LRRC4C: variants seen among roughly 807,000 people sequenced by gnomAD.
The protein encoded by LRRC4C is leucine rich repeat containing 4C, also known as leucine-rich repeat-containing protein 4C.
LRRC4C carries 5 observed loss-of-function variants against 33.6 expected under a neutral mutation model. The observed-to-expected ratio is 0.15, with a 90% CI of 0.08 to 0.31. The LOEUF (loss-of-function observed/expected upper bound fraction) is 0.31. LRRC4C is among the 10% of genes least tolerant of loss of function. LRRC4C has a pLI of 1.00. For synonymous variants in LRRC4C, 329 were observed against 302.0 expected, an observed-to-expected ratio of 1.09 and a Z score of -0.93; for missense variants, 560 against 796.7, an observed-to-expected ratio of 0.70 and a Z score of 3.58.
intron 1 of LRRC4C, among the ~76,000 whole-genome samples, chr11:40,962,042 C>A (rs557179870): frequency 6.6e-6 from 1 of 151,448 alleles, no homozygotes; most frequent in Non-Finnish European, 1.5e-5. Context: ...CTGTAAGAAG[C>A]GGAATAATGG....
intron 1 of LRRC4C, among the ~76,000 whole-genome samples, chr11:41,224,409 C>T (rs943521116): frequency 6.6e-6 from 1 of 152,170 alleles, no homozygotes; most frequent in Admixed American, 6.6e-5. Flanking sequence ...AACTACAATT[C>T]TCATCCAAGA....
At chr11:40,444,411 T>C (rs2138002444) in intron 3 of LRRC4C, among the ~76,000 whole-genome samples, 1 of 151,266 alleles carries the variant, frequency 6.6e-6, no homozygotes, top group African/African-American at 2.4e-5. Context: ...TTAGGGTACA[T>C]GTGCACATGA....
At chr11:40,429,080 T>C (rs183332081) in intron 3 of LRRC4C, among the ~76,000 whole-genome samples, 3 of 152,302 alleles carry the variant, frequency 2.0e-5, no homozygotes, top group African/African-American at 7.2e-5. Context: ...TGTAATGGTA[T>C]TAAGAAAGTA....
chr11:40,977,906 G>A (rs1042747555), intron 1 of LRRC4C, among the ~76,000 whole-genome samples: 1 of 152,166 alleles, frequency 6.6e-6, no homozygotes, highest in Non-Finnish European at 1.5e-5. Context: ...AGTCACCAGG[G>A]AGAAGAGGAC....
At chr11:41,310,948 A>T (rs1950627664) in intron 1 of LRRC4C, among the ~76,000 whole-genome samples, 1 of 152,242 alleles carries the variant, frequency 6.6e-6, no homozygotes, top group Non-Finnish European at 1.5e-5. Context: ...AATTTAAAAG[A>T]CAATATAGCA....
intron 3 of LRRC4C, among the ~76,000 whole-genome samples, chr11:40,606,439 A>C (rs892464311): frequency 1.3e-5 from 2 of 152,316 alleles, no homozygotes; most frequent in African/African-American, 4.8e-5. Flanking sequence ...TCCCCTGTAC[A>C]AAGCTAATTT....
intron 1 of LRRC4C, among the ~76,000 whole-genome samples, chr11:41,056,102 T>C (rs1208052593): frequency 1.3e-5 from 2 of 152,076 alleles, no homozygotes; most frequent in Non-Finnish European, 2.9e-5. Flanking sequence ...TCTAGAAATA[T>C]CAATCACTCC....
chr11:40,249,199 T>G (rs1866580211), intron 4 of LRRC4C, among the ~76,000 whole-genome samples: 1 of 151,636 alleles, frequency 6.6e-6, no homozygotes. Flanking sequence ...ATTAGCCGGG[T>G]GTGGTGGTGG....
chr11:40,899,819 C>A (rs1404568543), intron 2 of LRRC4C, among the ~76,000 whole-genome samples: 3 of 152,130 alleles, frequency 2.0e-5, no homozygotes, highest in African/African-American at 4.8e-5. Context: ...AACATGATAT[C>A]CACTTCTCAC....
At chr11:41,075,187 C>T (rs972401300) in intron 1 of LRRC4C, among the ~76,000 whole-genome samples, 7 of 151,940 alleles carry the variant, frequency 4.6e-5, no homozygotes, top group Non-Finnish European at 8.8e-5. Context: ...GCTCAACGGT[C>T]ACTTTGCCCC....
chr11:41,027,521 A>G lies in LRRC4C; in HGVS notation c.-495-93798T>C, dbSNP rs144266669. ...TAAGGTCACCAAACAACAGTTAATA[A>G]GAAAAGTTAAATCATCACAATAATT... On this transcript the variant is annotated intron_variant, in intron 1 of 6. Transcript: ENST00000528697. 2.1e-3 allele frequency among the ~76,000 whole-genome samples: 325 copies of G among 151,914 alleles called. 2 individuals carry two copies. The highest frequency in any genetic ancestry group is 7.7e-3 in the African/African-American group (318 of 41,530).
intron 2 of LRRC4C, among the ~76,000 whole-genome samples, chr11:40,869,532 G>A (rs1954532130): frequency 6.6e-6 from 1 of 152,168 alleles, no homozygotes; most frequent in Non-Finnish European, 1.5e-5. Flanking sequence ...GGAGTTGGGT[G>A]AGTGGGCTCA....
chr11:40,126,492 T>A (rs1856238080), intron 6 of LRRC4C, among the ~76,000 whole-genome samples: 1 of 152,172 alleles, frequency 6.6e-6, no homozygotes. Flanking sequence ...TACCTATGTC[T>A]TCAAGAACTT....
intron 1 of LRRC4C, among the ~76,000 whole-genome samples, chr11:41,241,182 C>T (rs75072797): frequency 0.019 from 2,894 of 152,156 alleles, 92 homozygotes; most frequent in African/African-American, 0.067. Flanking sequence ...AATTTTCTCC[C>T]AAATGAAAGC....
chr11:40,773,399 A>G (rs962545643), intron 2 of LRRC4C, among the ~76,000 whole-genome samples: 3 of 152,154 alleles, frequency 2.0e-5, no homozygotes, highest in Non-Finnish European at 4.4e-5. Context: ...CACTTGGGGT[A>G]ACAGATATTC....
rs1956271025 is a variant in LRRC4C, at chr11:41,459,517, TA to T, written c.-583del. 1 of 151,312 alleles carries T rather than the reference TA, an allele frequency of 6.6e-6. No homozygotes were observed. 9.4% of individuals were successfully genotyped at this position (151,312 alleles called of 1,614,324 possible). On this transcript the variant is annotated 5_prime_UTR_variant, in exon 1 of 7. Coordinates refer to ENST00000528697, the MANE Select transcript of LRRC4C (RefSeq NM_001258419.2). ...CTACTCTATTTTCTTTTCTTCTTTT[TA>T]TTTTTTTTTAAGTCATATCGGAGAA...
intron 1 of LRRC4C, among the ~76,000 whole-genome samples, chr11:41,308,239 A>T (rs1387464411): frequency 2.6e-5 from 4 of 152,176 alleles, no homozygotes; most frequent in Non-Finnish European, 5.9e-5. Context: ...ACTCTGAGGG[A>T]TTGCTTTTTT....
At chr11:40,211,955 G>A (rs532125744) in intron 5 of LRRC4C, among the ~76,000 whole-genome samples, 1 of 152,274 alleles carries the variant, frequency 6.6e-6, no homozygotes, top group African/African-American at 2.4e-5. Flanking sequence ...ATTTTGTGTA[G>A]CTATCATACC....
intron 2 of LRRC4C, among the ~76,000 whole-genome samples, chr11:40,881,679 A>C (rs1955185544): frequency 6.6e-6 from 1 of 150,808 alleles, no homozygotes; most frequent in Admixed American, 6.6e-5. Context: ...TTTACTGGAC[A>C]GAAATATTGG....
Sources: gnomAD v4.1 joint callset for allele counts (sites outside exome capture counted in the v4.1 genomes callset) on GRCh38, gnomAD v4.1.1 for gene constraint, MANE v1.5 for transcripts, NCBI Gene and HGNC (gene_info 2026-07-23, HGNC 2026-07-21) for gene names.